The following CFAP95 variants were observed in gnomAD, a reference collection of about 807,000 sequenced individuals.
The protein encoded by CFAP95 is cilia- and flagella-associated protein 95.
the CFAP95 span, among the ~76,000 whole-genome samples, chr9:69,871,835 C>T: frequency 1.3e-5 from 2 of 152,168 alleles, no homozygotes; most frequent in African/African-American, 4.8e-5. Context: ...TTATCTTTCC[C>T]TTTCACTCCA....
chr9:69,841,781 A>G, the CFAP95 span, among the ~76,000 whole-genome samples: 1 of 152,190 alleles, frequency 6.6e-6, no homozygotes, highest in Admixed American at 6.5e-5. Flanking sequence ...CAGGCAAGAG[A>G]GAGCTTGTGT....
the CFAP95 span, among the ~76,000 whole-genome samples, chr9:69,823,983 G>A: frequency 2.6e-5 from 4 of 152,262 alleles, no homozygotes; most frequent in Middle Eastern, 3.4e-3. Flanking sequence ...AGATGTGTAC[G>A]TGCAGGTCAC....
the CFAP95 span, among the ~76,000 whole-genome samples, chr9:69,885,550 T>C: frequency 6.6e-6 from 1 of 152,216 alleles, no homozygotes; most frequent in Non-Finnish European, 1.5e-5. Flanking sequence ...GTTTATGATT[T>C]CCCATTATAA....
chr9:69,834,944 T>C, the CFAP95 span, among the ~76,000 whole-genome samples: 1 of 152,264 alleles, frequency 6.6e-6, no homozygotes. Flanking sequence ...TTGAGGGCTA[T>C]GCCACCAAAT....
the CFAP95 span, among the ~76,000 whole-genome samples, chr9:69,853,895 C>G: frequency 6.6e-6 from 1 of 152,286 alleles, no homozygotes; most frequent in East Asian, 1.9e-4. Flanking sequence ...TGTCCCCATT[C>G]CAGGCAGCAA....
chr9:69,836,269 G>C, the CFAP95 span, among the ~76,000 whole-genome samples: 2 of 152,038 alleles, frequency 1.3e-5, no homozygotes, highest in African/African-American at 4.8e-5. Flanking sequence ...TGAGAGTCTG[G>C]GGTGCAACTG....
At chr9:69,829,871 A>C in the CFAP95 span, among the ~76,000 whole-genome samples, 1 of 152,190 alleles carries the variant, frequency 6.6e-6, no homozygotes, top group Admixed American at 6.5e-5. Flanking sequence ...CTGGGAACCC[A>C]TCCCCATTCG....
chr9:69,863,365 C>T, the CFAP95 span, among the ~76,000 whole-genome samples: 11 of 152,146 alleles, frequency 7.2e-5, no homozygotes, highest in African/African-American at 9.6e-5. Context: ...AGAAAAGTAA[C>T]GAGAGGCACA....
chr9:69,861,174 G>A, the CFAP95 span, among the ~76,000 whole-genome samples: 1 of 152,152 alleles, frequency 6.6e-6, no homozygotes, highest in Non-Finnish European at 1.5e-5. Context: ...GTAATGCATT[G>A]TGCTATGATA....
the CFAP95 span, among the ~76,000 whole-genome samples, chr9:69,882,141 C>T: frequency 2.0e-5 from 3 of 152,098 alleles, no homozygotes; most frequent in Admixed American, 6.6e-5. Flanking sequence ...TGCCACCACA[C>T]CTGGCTAATT....
chr9:69,901,920 C>T, the CFAP95 span, among the ~76,000 whole-genome samples: 2 of 152,128 alleles, frequency 1.3e-5, no homozygotes, highest in Admixed American at 1.3e-4. Context: ...GGTTTTGATT[C>T]ACATTTCTCT....
At chr9:69,890,796 T>C in the CFAP95 span, among the ~76,000 whole-genome samples, 1 of 152,228 alleles carries the variant, frequency 6.6e-6, no homozygotes, top group Non-Finnish European at 1.5e-5. Context: ...TACGTTTCCT[T>C]AATCCACATT....
chr9:69,836,819 C>T, the CFAP95 span, among the ~76,000 whole-genome samples: 10 of 148,998 alleles, frequency 6.7e-5, no homozygotes, highest in Non-Finnish European at 8.9e-5. Flanking sequence ...CATGCTGGTG[C>T]GCTGCACTCA....
At chr9:69,893,717 A>G in the CFAP95 span, among the ~76,000 whole-genome samples, 1 of 152,200 alleles carries the variant, frequency 6.6e-6, no homozygotes, top group Non-Finnish European at 1.5e-5. Flanking sequence ...GGTTTTTCCA[A>G]ACTTGTACCT....
the CFAP95 span, among the ~76,000 whole-genome samples, chr9:69,850,110 A>G: frequency 6.6e-6 from 1 of 152,200 alleles, no homozygotes; most frequent in African/African-American, 2.4e-5. Context: ...TGGGAGGCCA[A>G]AGAAAGACCA....
the CFAP95 span, among the ~76,000 whole-genome samples, chr9:69,865,243 G>A: frequency 6.6e-6 from 1 of 152,150 alleles, no homozygotes; most frequent in Admixed American, 6.5e-5. Context: ...GCCGAACTGT[G>A]AGTCAATTAA....
chr9:69,858,873 C>T, the CFAP95 span, among the ~76,000 whole-genome samples: 2 of 151,978 alleles, frequency 1.3e-5, no homozygotes, highest in African/African-American at 4.8e-5. Context: ...ATTCTTACTA[C>T]AAAAGAAAAA....
the CFAP95 span, among the ~76,000 whole-genome samples, chr9:69,856,966 T>C: frequency 1.3e-5 from 2 of 149,636 alleles, no homozygotes; most frequent in Admixed American, 6.7e-5. Flanking sequence ...CTATCCAGGT[T>C]TGAACCCCAG....
At chr9:69,875,321 A>G in the CFAP95 span, among the ~76,000 whole-genome samples, 2 of 152,138 alleles carry the variant, frequency 1.3e-5, no homozygotes, top group African/African-American at 2.4e-5. Context: ...TTGTTCCACA[A>G]TGCCTTTTTA....
Sources: gnomAD v4.1 joint callset for allele counts (sites outside exome capture counted in the v4.1 genomes callset) on GRCh38, gnomAD v4.1.1 for gene constraint, MANE v1.5 for transcripts, NCBI Gene and HGNC (gene_info 2026-07-23, HGNC 2026-07-21) for gene names.